Variants in NCOR1 observed in about 807,000 individuals in gnomAD.
NCOR1 encodes the protein nuclear receptor corepressor 1.
NCOR1 carries 63 observed loss-of-function variants against 288.1 expected under a neutral mutation model. The observed-to-expected ratio is 0.22, with a 90% confidence interval of 0.18 to 0.27. NCOR1 has a LOEUF of 0.27. Among genes scored for constraint, NCOR1 ranks in the 10% least tolerant of loss-of-function variants. The pLI is 1.00. For missense variants in NCOR1, 2,397 were observed against 3,019.2 expected (o/e 0.79, Z 4.83); for synonymous variants, 1,007 against 1,065.9 (o/e 0.94, Z 1.08).
At chr17:16,156,776 T>C (rs920591451) in intron 6 of NCOR1, among the ~76,000 whole-genome samples, 2 of 152,086 alleles carry the variant, frequency 1.3e-5, no homozygotes, top group African/African-American at 4.8e-5. Flanking sequence ...TACTAATTAA[T>C]AAAAACATCT....
chr17:16,194,444 A>G lies in NCOR1; in HGVS notation c.108+18T>C, dbSNP rs1040498355. ...AACACAAAAAACATGTGCAATTTGC[A>G]TACTATCTGTTCCTTACCTGCTGGT... On this transcript the variant is annotated intron_variant, in intron 2 of 45. Transcript: ENST00000268712. 2 of 1,512,992 alleles carry G rather than the reference A, an allele frequency of 1.3e-6. No homozygotes were observed. The highest frequency in any genetic ancestry group is 2.7e-5 in the African/African-American group (2 of 72,956). The allele number at this position is 1,512,992 out of a possible 1,614,324, so 93.7% of individuals were successfully genotyped here.
At chr17:16,100,198 T>C (rs934194684) in intron 20 of NCOR1, among the ~76,000 whole-genome samples, 1 of 152,140 alleles carries the variant, frequency 6.6e-6, no homozygotes, top group Non-Finnish European at 1.5e-5. Context: ...TCAATGTCTT[T>C]TAAGGAAAAG....
Position 16,065,686 on chromosome 17 carries a change from C to G in NCOR1, c.4750G>C (p.Ala1584Pro), listed in dbSNP as rs1161671444. 6.2e-7 allele frequency: 1 copy of G among 1,614,054 alleles called. No individual in the cohort carries two copies. The highest frequency in any genetic ancestry group is 8.5e-7 in the Non-Finnish European group (1 of 1,180,028). The change falls in exon 33 of 46, where the codon GCT becomes CCT. Residue 1584 changes from alanine (A) to proline (P), a missense_variant. Ala to Pro is a conservative substitution (Grantham distance 27, BLOSUM62 -1). This residue lies in a region of NCOR1 where 1,872 missense variants were observed against 2,187.8 expected (regional missense o/e 0.86). Coordinates refer to ENST00000268712, the MANE Select transcript of NCOR1 (RefSeq NM_006311.4). Reference sequence around the variant, plus strand: ...GAAAGCTGTCTCTGAAACAGGTAAGCAGCCGCTGCTGATTGAGAGAATGAA... The same window carrying G: ...GAAAGCTGTCTCTGAAACAGGTAAGGAGCCGCTGCTGATTGAGAGAATGAA... ...FHRALDPAAA[A>P]YLFQRQLSPT... is the part of the protein sequence containing the mutation.
chr17:16,106,870 TATATA>T, intron 19 of NCOR1, among the ~76,000 whole-genome samples: 1 of 52,878 alleles, frequency 1.9e-5, no homozygotes, highest in African/African-American at 9.5e-5. Flanking sequence ...TATATATATA[TATATA>T]TATATATATT....
chr17:16,191,067 A>G (rs1013414306), intron 2 of NCOR1, among the ~76,000 whole-genome samples: 1 of 152,250 alleles, frequency 6.6e-6, no homozygotes, highest in Admixed American at 6.5e-5. Flanking sequence ...TAAACTCTGA[A>G]TTTGGGATCC....
intron 1 of NCOR1, among the ~76,000 whole-genome samples, chr17:16,211,057 G>T (rs572201411): frequency 6.6e-6 from 1 of 151,976 alleles, no homozygotes; most frequent in East Asian, 1.9e-4. Flanking sequence ...TCATCAAATC[G>T]ATTCATCCCA....
In NCOR1 at chr17:16,127,449, ATATG is replaced by A. The variant is rs1023557672; in HGVS notation, c.1510-1247_1510-1244del. On this transcript the variant is annotated intron_variant, in intron 14 of 45. Transcript: ENST00000268712. ...TGTATATGTGTATGTATATATGTGT[ATATG>A]TATATATACGTGTATGTGTATATAT... Among the ~76,000 whole-genome samples the A allele has an allele frequency of 1.1e-4, 16 of 146,840 alleles. 5 individuals carry two copies. Among genetic ancestry groups the A allele is most frequent in the Non-Finnish European group, 2.2e-4 (15 of 66,700 alleles).
At chr17:16,151,764 A>G (rs2078903228) in intron 8 of NCOR1, 182 bp downstream of exon 8, 1 of 985,602 alleles carries the variant, frequency 1.0e-6, no homozygotes, top group Non-Finnish European at 1.5e-6. Flanking sequence ...CGGAAACTCA[A>G]AGCTGTTACC....
chr17:16,081,124 T>C (rs924832718), intron 23 of NCOR1, among the ~76,000 whole-genome samples: 12 of 151,752 alleles, frequency 7.9e-5, no homozygotes, highest in African/African-American at 2.7e-4. Context: ...AAAACTCTCT[T>C]CCATAAAAGC....
intron 13 of NCOR1, 71 bp from the exon 14 acceptor site, chr17:16,137,483 C>A: frequency 2.6e-6 from 2 of 783,052 alleles, no homozygotes; most frequent in Admixed American, 3.3e-5. Context: ...AATATTACTT[C>A]CAAGGAAAAT....
rs58712974 is a variant in NCOR1 at position 16,185,683 on chromosome 17, CAAAAAAAAAAA to C, written c.242+860_242+870del. ...GGGTGACAAGAGTGAGACTCTTTCT[CAAAAAAAAAAA>C]AAAAAAAAAAAAAAAGAATTAACTA... is the stretch of plus-strand genomic sequence containing the variant. On this transcript the variant is annotated intron_variant, in intron 3 of 45. Transcript: ENST00000268712. Among the ~76,000 whole-genome samples, 5 of 33,388 alleles carry C rather than the reference CAAAAAAAAAAA, an allele frequency of 1.5e-4. 1 individual carries two copies. The highest frequency in any genetic ancestry group is 1.0e-3 in the Admixed American group (2 of 1,988). The allele number at this position is 33,388 out of a possible 152,430, so 21.9% of individuals were successfully genotyped here.
intron 17 of NCOR1, among the ~76,000 whole-genome samples, chr17:16,119,124 A>G (rs1290158808): frequency 6.6e-6 from 1 of 152,270 alleles, no homozygotes; most frequent in Non-Finnish European, 1.5e-5. Context: ...GCATAGAGTC[A>G]TAATTATTCT....
intron 41 of NCOR1, among the ~76,000 whole-genome samples, chr17:16,047,352 GGAAT>G (rs1464505093): frequency 3.3e-5 from 5 of 152,122 alleles, no homozygotes; most frequent in Admixed American, 1.3e-4. Context: ...TTCTTAGGAA[GGAAT>G]GAAGAAGCAG....
Position 16,194,614 on chromosome 17 carries a change from A to G in NCOR1, c.-45T>C. The G allele has an allele frequency of 4.8e-6, 6 of 1,238,506 alleles. No homozygotes were observed. Among genetic ancestry groups the G allele is most frequent in the South Asian group, 1.3e-5 (1 of 77,230 alleles). 76.7% of individuals were successfully genotyped at this position (1,238,506 alleles called of 1,614,324 possible). The stretch of plus-strand genomic sequence containing the variant: ...ACCAGACTGTGAGATCAATGCCAAT[A>G]AACAATCATGTTTCTAGGAAACCAC... On this transcript the variant is annotated 5_prime_UTR_variant, in exon 2 of 46. Transcript: ENST00000268712.
chr17:16,106,320 CA>C (rs1330272419), intron 19 of NCOR1, among the ~76,000 whole-genome samples: 1 of 152,048 alleles, frequency 6.6e-6, no homozygotes, highest in Non-Finnish European at 1.5e-5. Flanking sequence ...TATCATTTGA[CA>C]TAAGCACTTT....
intron 40 of NCOR1, among the ~76,000 whole-genome samples, chr17:16,051,046 C>T (rs2059252483): frequency 6.6e-6 from 1 of 152,080 alleles, no homozygotes; most frequent in Non-Finnish European, 1.5e-5. Flanking sequence ...ACTACATTGC[C>T]CAGGCTGGTC....
chr17:16,193,558 A>G (rs905666035), intron 2 of NCOR1, among the ~76,000 whole-genome samples: 7 of 152,128 alleles, frequency 4.6e-5, no homozygotes, highest in African/African-American at 1.7e-4. Context: ...ACCAGCAGCA[A>G]CAATAATCCA....
Position 16,058,665 on chromosome 17 carries a change from C to T in NCOR1, c.5882-66G>A, listed in dbSNP as rs571562557. On this transcript the variant is annotated intron_variant, in intron 37 of 45. Coordinates refer to ENST00000268712, the MANE Select transcript of NCOR1 (RefSeq NM_006311.4). ...AAAAGTTTCTGAAGTCTAAGTTCTT[C>T]ACACCTGTAGCATTTTTTCAATTCT... 1.4e-4 allele frequency: 201 copies of T among 1,471,012 alleles called. No homozygotes were observed. The East Asian group carries it at 4.4e-3, about 33-fold the overall frequency. 91.1% of individuals were successfully genotyped at this position (1,471,012 alleles called of 1,614,324 possible). A position where few individuals can be genotyped will look rare whatever the true frequency, so the allele number is the denominator to read the frequency against.
At chr17:16,060,650 T>G (rs1012044523) in intron 37 of NCOR1, among the ~76,000 whole-genome samples, 1 of 152,224 alleles carries the variant, frequency 6.6e-6, no homozygotes, top group Non-Finnish European at 1.5e-5. Flanking sequence ...CATTGCATTC[T>G]GGAGCATGAG....
Sources: allele counts gnomAD v4.1 joint callset (sites outside exome capture counted in the v4.1 genomes callset), GRCh38; gene constraint gnomAD v4.1.1; regional missense constraint gnomAD v4.1.1; transcripts MANE v1.5; gene names NCBI Gene and HGNC (gene_info 2026-07-23, HGNC 2026-07-21).